The following TOP3A variants were observed in gnomAD, a reference collection of about 807,000 sequenced individuals.
The protein encoded by TOP3A is DNA topoisomerase III alpha.
Under a neutral mutation model 111.3 loss-of-function variants are expected in TOP3A, and 64 were observed. The ratio of observed to expected loss-of-function variants is 0.57; its 90% CI spans 0.47 to 0.71. TOP3A has a LOEUF of 0.71. Ranked by LOEUF, TOP3A falls within the 30% of genes least tolerant of loss-of-function variation. TOP3A has a pLI of 0.00. For missense variants in TOP3A, 1,104 were observed against 1,285.0 expected (o/e 0.86, Z 2.15); for synonymous variants, 484 against 485.1 (o/e 1.00, Z 0.03).
chr17:18,311,828 T>G (rs1258146926), intron 1 of TOP3A: 1 of 152,188 alleles, frequency 6.6e-6, no homozygotes, highest in Non-Finnish European at 1.5e-5. Flanking sequence ...TGACCTAGTG[T>G]GGGGGAACAG....
At position 18,278,267 on chromosome 17, in the gene TOP3A, C is replaced by T; in HGVS notation, c.2235G>A (p.Arg745=). ...CCIGGCDDTL[R]EILDLRFSGG... The stretch of plus-strand genomic sequence containing the variant: ...CTGAAAATCTCAGGTCCAGGATCTC[C>T]CTCAGGGTGTCGTCGCATCCGCCGA... Residue 745 remains arginine, a synonymous_variant, in exon 18 of 19, where the codon AGG becomes AGA. Coordinates refer to ENST00000321105, the MANE Select transcript of TOP3A (RefSeq NM_004618.5). 6.5e-7 allele frequency: 1 copy of T among 1,547,580 alleles called. No individual in the cohort carries two copies. Among genetic ancestry groups the T allele is most frequent in the South Asian group, 1.2e-5 (1 of 80,268 alleles).
rs897724131 is a variant in TOP3A at position 18,294,639 on chromosome 17, T to C, written c.1073+64A>G. 2.9e-5 allele frequency: 38 copies of C among 1,318,148 alleles called. No individual in the cohort carries two copies. In the Admixed American group the frequency reaches 5.3e-4, roughly 18 times the overall value. 81.7% of individuals were successfully genotyped at this position (1,318,148 alleles called of 1,614,324 possible). On this transcript the variant is annotated intron_variant, in intron 10 of 18. Transcript: ENST00000321105. ...CACCGTGCCCAACCCATAAACTCTA[T>C]TTCTCAAATATTTCATCCTGATAAA... is the stretch of plus-strand genomic sequence containing the variant.
At chr17:18,307,049 G>T in intron 3 of TOP3A, 83 bp from the exon 4 acceptor site, 1 of 936,032 alleles carries the variant, frequency 1.1e-6, no homozygotes. Flanking sequence ...TGTTCCAATG[G>T]GTTCATGGTG....
intron 4 of TOP3A, among the ~76,000 whole-genome samples, chr17:18,306,047 C>T (rs1981560671): frequency 6.6e-6 from 1 of 150,978 alleles, no homozygotes; most frequent in South Asian, 2.1e-4. Flanking sequence ...GTTAAAAATG[C>T]ACAAATTAGC....
intron 4 of TOP3A, 68 bp from the exon 5 acceptor site, chr17:18,305,288 C>T (rs931025007): frequency 3.2e-5 from 41 of 1,288,540 alleles, no homozygotes; most frequent in Middle Eastern, 1.9e-4. Flanking sequence ...CATCTCTAAG[C>T]TAAGGGGATC....
At chr17:18,294,849 C>T in intron 9 of TOP3A, 64 bp from the exon 10 acceptor site, 2 of 1,067,376 alleles carry the variant, frequency 1.9e-6, no homozygotes, top group Non-Finnish European at 2.9e-6. Flanking sequence ...AACTCAAATA[C>T]ACAACTCATC....
At chr17:18,295,392 C>T (rs1488516874) in intron 9 of TOP3A, among the ~76,000 whole-genome samples, 1 of 152,040 alleles carries the variant, frequency 6.6e-6, no homozygotes, top group African/African-American at 2.4e-5. Context: ...AGGTGATCTG[C>T]CCGCCTCGGC....
rs765081954 is a variant in TOP3A at position 18,285,494 on chromosome 17, T to C, written c.1624A>G (p.Ile542Val). 1.2e-6 allele frequency: 2 copies of C among 1,614,038 alleles called. No homozygotes were observed. The highest frequency in any genetic ancestry group is 1.1e-5 in the South Asian group (1 of 91,080). Reference sequence around the variant, plus strand: ...TACATCCGGGCTTTGATGGTCTCGATGTGCTCCGCATGAGTGGCATCCGTA... The same window carrying C: ...TACATCCGGGCTTTGATGGTCTCGACGTGCTCCGCATGAGTGGCATCCGTA... ...IGTDATHAEH[I>V]ETIKARMYVG... is the part of the protein sequence containing the mutation. Residue 542 changes from isoleucine (I) to valine (V), a missense_variant, in exon 14 of 19, where the codon ATC becomes GTC. Transcript: ENST00000321105.
intron 8 of TOP3A, 47 bp downstream of exon 8, chr17:18,301,838 G>C (rs750786785): frequency 6.6e-7 from 1 of 1,504,788 alleles, no homozygotes; most frequent in South Asian, 1.1e-5. Flanking sequence ...AGTGGGAGTG[G>C]TTTGGGAGGT....
intron 13 of TOP3A, among the ~76,000 whole-genome samples, chr17:18,286,210 G>GA (rs377175442): frequency 1.6e-4 from 23 of 139,470 alleles, no homozygotes; most frequent in Middle Eastern, 8.0e-3. Flanking sequence ...AAAAAAAAAA[G>GA]AAAAAAAAAA....
At chr17:18,297,941 C>T (rs1597976120) in intron 9 of TOP3A, among the ~76,000 whole-genome samples, 2 of 149,440 alleles carry the variant, frequency 1.3e-5, no homozygotes, top group South Asian at 2.1e-4. Context: ...AAGTGAGGAG[C>T]GTCTCTGCCC....
Position 18,299,550 on chromosome 17 carries a change from G to A in TOP3A, c.990+9C>T, listed in dbSNP as rs1425901218. 2 of 1,613,656 alleles carry A rather than the reference G, an allele frequency of 1.2e-6. No individual in the cohort carries two copies. Among genetic ancestry groups the A allele is most frequent in the South Asian group, 2.2e-5 (2 of 91,074 alleles). ...CCCGAGTGCCTGAAACAGCCTGTCT[G>A]GAACATACCACAGTGTCCAAGGCTT... is the stretch of plus-strand genomic sequence containing the variant. On this transcript the variant is annotated intron_variant, in intron 9 of 18. Transcript: ENST00000321105.
chr17:18,303,263 C>T (rs895224817), intron 5 of TOP3A, among the ~76,000 whole-genome samples: 6 of 152,130 alleles, frequency 3.9e-5, no homozygotes, highest in South Asian at 2.1e-4. Context: ...TGTGGAAGGC[C>T]GCAGGGACCC....
chr17:18,278,032 C>CA lies in TOP3A; in HGVS notation c.2469dup (p.Val824CysfsTer3). The stretch of plus-strand genomic sequence containing the variant: ...CCCCGGTTGGGGCCCTCCTTACGGA[C>CA]AGTGAGCAGCACAGCCTCCTGGCCA... On this transcript the variant is annotated frameshift_variant, in exon 18 of 19. Transcript: ENST00000321105. LOFTEE classifies it high-confidence loss of function. 1 of 1,614,190 alleles carries CA rather than the reference C, an allele frequency of 6.2e-7. No individual in the cohort carries two copies.
chr17:18,304,399 A>G (rs974566272), intron 5 of TOP3A, among the ~76,000 whole-genome samples: 4 of 152,244 alleles, frequency 2.6e-5, no homozygotes, highest in African/African-American at 9.6e-5. Flanking sequence ...ACTGTCCTTG[A>G]AAGTTAATGC....
At chr17:18,310,975 C>T (rs1045742077) in intron 1 of TOP3A, among the ~76,000 whole-genome samples, 1 of 151,988 alleles carries the variant, frequency 6.6e-6, no homozygotes, top group Non-Finnish European at 1.5e-5. Context: ...TCAGGCTCAG[C>T]TCAAACATGC....
At position 18,274,779 on chromosome 17, in the gene TOP3A, G is replaced by T. The variant is rs1979225720; in HGVS notation, c.*23C>A. 1 of 1,599,308 alleles carries T rather than the reference G, an allele frequency of 6.3e-7. No individual in the cohort carries two copies. The highest frequency in any genetic ancestry group is 1.1e-5 in the South Asian group (1 of 90,464). ...CAAAGGGGACAGGTCTGAGAAAGTG[G>T]CGTTCTCTACCCTACCCTGAGCTCA... On this transcript the variant is annotated 3_prime_UTR_variant, in exon 19 of 19. Coordinates refer to ENST00000321105, the MANE Select transcript of TOP3A (RefSeq NM_004618.5).
intron 9 of TOP3A, among the ~76,000 whole-genome samples, chr17:18,296,356 C>T (rs960447133): frequency 4.3e-4 from 66 of 151,964 alleles, no homozygotes; most frequent in Non-Finnish European, 9.1e-4. Context: ...CCGAGGCGGG[C>T]GGATCACAAG....
At chr17:18,282,196 G>GT (rs1567736127) in intron 16 of TOP3A, among the ~76,000 whole-genome samples, 1 of 152,018 alleles carries the variant, frequency 6.6e-6, no homozygotes, top group Non-Finnish European at 1.5e-5. Context: ...AACAAAAGTA[G>GT]TATCTGCTGA....
Sources: gnomAD v4.1 joint callset for allele counts (sites outside exome capture counted in the v4.1 genomes callset) on GRCh38, gnomAD v4.1.1 for gene constraint, MANE v1.5 for transcripts, NCBI Gene and HGNC (gene_info 2026-07-23, HGNC 2026-07-21) for gene names.